FIRRM: variants seen among roughly 807,000 people sequenced by gnomAD.
FIRRM encodes FIGNL1-interacting regulator of recombination and mitosis.
the FIRRM span, chr1:169,829,390 G>A: frequency 1.2e-6 from 2 of 1,613,798 alleles, no homozygotes; most frequent in East Asian, 4.5e-5. Context: ...GTATCAGCAT[G>A]TTTGTGTTCA....
At chr1:169,835,180 G>T in the FIRRM span, among the ~76,000 whole-genome samples, 1 of 151,938 alleles carries the variant, frequency 6.6e-6, no homozygotes, top group Non-Finnish European at 1.5e-5. Context: ...ATTTTTTTAC[G>T]AGTGATGTCA....
chr1:169,817,337 C>G, the FIRRM span, among the ~76,000 whole-genome samples: 25,810 of 152,122 alleles, frequency 0.17, 2,268 homozygotes, highest in South Asian at 0.26. Context: ...TTGATTAAAA[C>G]AAGACAACAA....
the FIRRM span, among the ~76,000 whole-genome samples, chr1:169,836,557 A>G: frequency 8.1e-4 from 124 of 152,218 alleles, no homozygotes; most frequent in Non-Finnish European, 1.4e-3. Context: ...TCCAGTTTGT[A>G]TATTTGGAAT....
At chr1:169,822,115 T>C in the FIRRM span, among the ~76,000 whole-genome samples, 1 of 152,162 alleles carries the variant, frequency 6.6e-6, no homozygotes, top group African/African-American at 2.4e-5. Context: ...CAAGTAAATA[T>C]CAGATGGGTA....
At chr1:169,793,480 A>G in the FIRRM span, 97 of 1,614,054 alleles carry the variant, frequency 6.0e-5, no homozygotes, top group South Asian at 8.8e-4. Flanking sequence ...CTGTGTCTTG[A>G]GAGGGAGCTG....
chr1:169,824,435 CA>C, the FIRRM span, among the ~76,000 whole-genome samples: 2 of 152,188 alleles, frequency 1.3e-5, no homozygotes, highest in Non-Finnish European at 2.9e-5. Flanking sequence ...CCCATCTTAA[CA>C]ATACAAAACA....
At chr1:169,841,764 T>C in the FIRRM span, among the ~76,000 whole-genome samples, 2 of 152,318 alleles carry the variant, frequency 1.3e-5, no homozygotes, top group Admixed American at 1.3e-4. Flanking sequence ...AAAAAATAAC[T>C]TTTTGTTGAT....
At chr1:169,798,139 G>A in the FIRRM span, among the ~76,000 whole-genome samples, 134 of 152,176 alleles carry the variant, frequency 8.8e-4, 1 homozygote, top group Non-Finnish European at 3.2e-4. Flanking sequence ...GTACAAACTG[G>A]GCATGGTGGT....
the FIRRM span, among the ~76,000 whole-genome samples, chr1:169,842,006 G>A: frequency 6.6e-6 from 1 of 151,822 alleles, no homozygotes; most frequent in East Asian, 1.9e-4. Context: ...TGAAAACTGA[G>A]TCTCTAATTA....
At chr1:169,836,473 A>G in the FIRRM span, among the ~76,000 whole-genome samples, 1 of 152,168 alleles carries the variant, frequency 6.6e-6, no homozygotes, top group East Asian at 1.9e-4. Context: ...CTCATTTGAA[A>G]GCTGAATCTT....
chr1:169,828,964 T>TA, the FIRRM span, among the ~76,000 whole-genome samples: 1 of 152,234 alleles, frequency 6.6e-6, no homozygotes, highest in Non-Finnish European at 1.5e-5. Flanking sequence ...ATATCTAATT[T>TA]AGCTATTTAA....
chr1:169,841,409 G>T, the FIRRM span, among the ~76,000 whole-genome samples: 7 of 152,194 alleles, frequency 4.6e-5, no homozygotes, highest in Non-Finnish European at 7.4e-5. Context: ...AAGGAAATAG[G>T]TAAATCTTAA....
chr1:169,851,844 G>A, the FIRRM span: 17 of 1,613,846 alleles, frequency 1.1e-5, no homozygotes, highest in Middle Eastern at 1.6e-4. Flanking sequence ...AACTGAAGCT[G>A]CCAAAGTGGA....
At chr1:169,816,618 A>G in the FIRRM span, among the ~76,000 whole-genome samples, 1 of 152,194 alleles carries the variant, frequency 6.6e-6, no homozygotes. Context: ...CTCAGATAAG[A>G]CTTTTTAAAA....
At chr1:169,849,544 A>G in the FIRRM span, 2 of 1,614,082 alleles carry the variant, frequency 1.2e-6, no homozygotes, top group Non-Finnish European at 1.7e-6. Flanking sequence ...CCTTACTGCT[A>G]GCTGACAGGA....
At chr1:169,831,529 C>T in the FIRRM span, among the ~76,000 whole-genome samples, 1 of 152,170 alleles carries the variant, frequency 6.6e-6, no homozygotes, top group African/African-American at 2.4e-5. Flanking sequence ...TTATCACTTA[C>T]ACACTTTACT....
At chr1:169,828,219 C>T in the FIRRM span, among the ~76,000 whole-genome samples, 4 of 152,112 alleles carry the variant, frequency 2.6e-5, no homozygotes, top group African/African-American at 9.7e-5. Flanking sequence ...TTGCCAACAC[C>T]GTAGTCCAGG....
the FIRRM span, chr1:169,847,579 G>A: frequency 5.6e-6 from 4 of 711,862 alleles, no homozygotes; most frequent in South Asian, 5.7e-5. Context: ...TTTTTTCTGG[G>A]TTTGGTTTTG....
chr1:169,847,014 C>T, the FIRRM span, among the ~76,000 whole-genome samples: 1 of 152,006 alleles, frequency 6.6e-6, no homozygotes, highest in East Asian at 1.9e-4. Flanking sequence ...AATATTGTGT[C>T]TCAGGGAATA....
Sources: gnomAD v4.1 joint callset for allele counts (sites outside exome capture counted in the v4.1 genomes callset) on GRCh38, gnomAD v4.1.1 for gene constraint, MANE v1.5 for transcripts, NCBI Gene and HGNC (gene_info 2026-07-23, HGNC 2026-07-21) for gene names.